The following CCDC171 variants were observed in gnomAD, a reference collection of about 807,000 sequenced individuals.
CCDC171 encodes the protein coiled-coil domain-containing protein 171.
A neutral mutation model predicts 168.2 loss-of-function variants in CCDC171; 177 were observed. The ratio of observed to expected loss-of-function variants is 1.05; its 90% CI spans 0.93 to 1.19. The LOEUF (loss-of-function observed/expected upper bound fraction) is 1.19. Ranked by LOEUF, CCDC171 falls within the 50% of genes most tolerant of loss-of-function variation. The probability of loss-of-function intolerance (pLI) is 0.00; values close to 1 mark genes in which losing one functional copy is unlikely to be tolerated. For synonymous variants in CCDC171, 687 were observed against 540.8 expected, an observed-to-expected ratio of 1.27 and a Z score of -3.75; for missense variants, 1,991 against 1,539.0, an observed-to-expected ratio of 1.29 and a Z score of -4.91.
At chr9:15,884,540 A>T (rs990093257) in intron 24 of CCDC171, among the ~76,000 whole-genome samples, 3 of 152,190 alleles carry the variant, frequency 2.0e-5, no homozygotes, top group African/African-American at 7.2e-5. Flanking sequence ...TTTTCTTAAC[A>T]GCATAGTATT....
intron 21 of CCDC171, among the ~76,000 whole-genome samples, chr9:15,844,672 T>C (rs1270594464): frequency 6.6e-6 from 1 of 152,124 alleles, no homozygotes; most frequent in Non-Finnish European, 1.5e-5. Flanking sequence ...CCTGAAATAG[T>C]ATAAGCTTTA....
At chr9:15,782,522 C>T (rs903947392) in intron 20 of CCDC171, among the ~76,000 whole-genome samples, 6 of 152,112 alleles carry the variant, frequency 3.9e-5, no homozygotes, top group Non-Finnish European at 7.3e-5. Context: ...AGGGAACACA[C>T]GTTCTGTTAA....
chr9:15,934,339 A>G (rs977810818), intron 25 of CCDC171, among the ~76,000 whole-genome samples: 7 of 146,876 alleles, frequency 4.8e-5, no homozygotes, highest in African/African-American at 1.3e-4. Flanking sequence ...GCAGTGAGCT[A>G]TGATCATGCC....
intron 25 of CCDC171, among the ~76,000 whole-genome samples, chr9:15,949,496 A>C (rs1040899236): frequency 3.3e-5 from 5 of 151,998 alleles, no homozygotes; most frequent in Non-Finnish European, 7.4e-5. Flanking sequence ...CTTTTATTTC[A>C]TTGAGCAGTG....
At chr9:15,636,749 C>CAAAAA (rs35778640) in intron 7 of CCDC171, among the ~76,000 whole-genome samples, 1 of 64,694 alleles carries the variant, frequency 1.5e-5, no homozygotes, top group African/African-American at 5.8e-5. Context: ...GACCCTGCCT[C>CAAAAA]AAAAAAAAAA....
At chr9:15,887,595 G>A (rs1026993360) in intron 24 of CCDC171, among the ~76,000 whole-genome samples, 12 of 152,084 alleles carry the variant, frequency 7.9e-5, no homozygotes, top group African/African-American at 2.7e-4. Context: ...TTGAGAGAAC[G>A]CACTCAAATT....
chr9:15,670,022 T>G (rs540575552), intron 9 of CCDC171, among the ~76,000 whole-genome samples: 15 of 151,084 alleles, frequency 9.9e-5, no homozygotes, highest in African/African-American at 3.6e-4. Flanking sequence ...CAAACTTACT[T>G]CTCCTCTCTT....
chr9:15,590,000 G>GT (rs2041865247), intron 4 of CCDC171, among the ~76,000 whole-genome samples: 1 of 152,164 alleles, frequency 6.6e-6, no homozygotes, highest in Admixed American at 6.5e-5. Flanking sequence ...AATATTTACC[G>GT]TTATGGAAAG....
chr9:15,787,301 T>C (rs1231585720), intron 21 of CCDC171, among the ~76,000 whole-genome samples: 5 of 152,148 alleles, frequency 3.3e-5, no homozygotes, highest in African/African-American at 1.2e-4. Flanking sequence ...CACCTTGCTG[T>C]GCAATAGATC....
intron 3 of CCDC171, among the ~76,000 whole-genome samples, chr9:16,013,430 T>G (rs1284615435): frequency 1.3e-5 from 2 of 152,218 alleles, no homozygotes; most frequent in Admixed American, 1.3e-4. Context: ...TCTCTTCTAT[T>G]TACTCACTAA....
chr9:15,629,618 G>A (rs547771958), intron 7 of CCDC171, among the ~76,000 whole-genome samples: 1 of 152,196 alleles, frequency 6.6e-6, no homozygotes, highest in African/African-American at 2.4e-5. Context: ...ATATTATCCA[G>A]GAGAACTTCC....
intron 23 of CCDC171, among the ~76,000 whole-genome samples, chr9:15,868,937 G>A (rs1395894288): frequency 6.6e-6 from 1 of 151,954 alleles, no homozygotes; most frequent in Non-Finnish European, 1.5e-5. Context: ...ATAAAATGGT[G>A]TAGTATTTGC....
chr9:15,639,712 C>G (rs1178770182), intron 7 of CCDC171, among the ~76,000 whole-genome samples: 2 of 152,154 alleles, frequency 1.3e-5, no homozygotes, highest in Admixed American at 1.3e-4. Context: ...ACCTTCAGAA[C>G]TGCATAGTTA....
intron 4 of CCDC171, among the ~76,000 whole-genome samples, chr9:16,021,174 G>A (rs539886920): frequency 4.6e-5 from 7 of 152,046 alleles, no homozygotes; most frequent in African/African-American, 9.7e-5. Context: ...TGCAACCTCC[G>A]CCTCCGGGGT....
intron 9 of CCDC171, among the ~76,000 whole-genome samples, chr9:15,673,262 G>A (rs2049260264): frequency 6.6e-6 from 1 of 152,168 alleles, no homozygotes; most frequent in South Asian, 2.1e-4. Flanking sequence ...CTGAGATGAT[G>A]GGGTTTTCTA....
At chr9:15,989,513 C>T (rs936787089) in intron 3 of CCDC171, among the ~76,000 whole-genome samples, 3 of 151,954 alleles carry the variant, frequency 2.0e-5, no homozygotes, top group African/African-American at 4.8e-5. Flanking sequence ...TCTAAAAATC[C>T]GAGGGCCTCT....
At position 15,744,463 on chromosome 9, in the gene CCDC171, C is replaced by A. The variant is rs774230067; in HGVS notation, c.2240C>A (p.Ala747Asp). Residue 747 changes from alanine to aspartate, a missense_variant, in exon 17 of 26, where the codon GCC (alanine) becomes GAC (aspartate). Physicochemically the swap from Ala to Asp is moderately radical, Grantham distance 126. Transcript: ENST00000380701. ...TATCCCCTCTATAGCCGATCATGCGCCTTGTCTACACAGAGAGATTTTCTC... is the reference window on the plus strand; with the variant it reads ...TATCCCCTCTATAGCCGATCATGCGACTTGTCTACACAGAGAGATTTTCTC... ...ALYPLYSRSC[A>D]LSTQRDFLQE... The A allele has an allele frequency of 9.5e-5, 153 of 1,614,152 alleles. No homozygotes were observed. The highest frequency in any genetic ancestry group is 1.2e-4 in the Non-Finnish European group (145 of 1,180,030).
intron 11 of CCDC171, among the ~76,000 whole-genome samples, chr9:15,714,544 C>T (rs573136178): frequency 1.3e-5 from 2 of 152,144 alleles, no homozygotes; most frequent in African/African-American, 2.4e-5. Context: ...GAATTAATGG[C>T]AGTTCAGATC....
chr9:16,103,866 G>A, the CCDC171 span, among the ~76,000 whole-genome samples: 3 of 152,160 alleles, frequency 2.0e-5, no homozygotes, highest in Non-Finnish European at 4.4e-5. Context: ...AGAAATTTGG[G>A]GACGTGTTCA....
Sources: allele counts gnomAD v4.1 joint callset (sites outside exome capture counted in the v4.1 genomes callset), GRCh38; gene constraint gnomAD v4.1.1; transcripts MANE v1.5; gene names NCBI Gene and HGNC (gene_info 2026-07-23, HGNC 2026-07-21).